Variants in AP2A1 observed in about 807,000 individuals in gnomAD.
AP2A1 encodes adaptor related protein complex 2 subunit alpha 1.
In AP2A1, 21 loss-of-function variants were observed where a neutral mutation model predicts 107.3. The observed-to-expected ratio is 0.20, with a 90% CI of 0.14 to 0.28. The LOEUF (loss-of-function observed/expected upper bound fraction) is 0.28. Among genes scored for constraint, AP2A1 ranks in the 10% least tolerant of loss-of-function variants. The pLI, the probability that AP2A1 is intolerant of heterozygous loss-of-function variation, is 1.00. For missense variants in AP2A1, 873 were observed against 1,307.7 expected (o/e 0.67, Z 5.13); for synonymous variants, 602 against 564.8 (o/e 1.07, Z -0.93).
rs375982239 is a variant in AP2A1, at chr19:49,782,755, G to T, written c.473+31G>T. ...GCACTGGGGACCCGTTGGCAGTGGG[G>T]GGCCTGGGGGTGATGAGTCCCAGCC... On this transcript the variant is annotated intron_variant, in intron 4 of 22. Transcript: ENST00000354293. The T allele has an allele frequency of 2.6e-6, 4 of 1,558,944 alleles. No homozygotes were observed. In the African/African-American group the frequency reaches 5.4e-5, roughly 21 times the overall value.
intron 5 of AP2A1, among the ~76,000 whole-genome samples, chr19:49,792,701 A>G (rs780120917): frequency 4.6e-5 from 7 of 151,334 alleles, no homozygotes; most frequent in Non-Finnish European, 7.4e-5. Flanking sequence ...TGACTGTCCC[A>G]CCCCCACAGT....
chr19:49,771,557 C>T (rs1471993279), intron 1 of AP2A1, among the ~76,000 whole-genome samples: 7 of 151,354 alleles, frequency 4.6e-5, no homozygotes, highest in African/African-American at 1.5e-4. Context: ...TATAGGCGCC[C>T]GCCACTATGC....
chr19:49,803,290 G>T lies in AP2A1; in HGVS notation c.2258G>T (p.Arg753Leu), dbSNP rs1370920170. Residue 753 changes from arginine (R) to leucine (L), a missense_variant, in exon 18 of 23, where the codon CGC becomes CTC. Physicochemically the swap from Arg to Leu is moderately radical, Grantham distance 102. This residue lies in a region of AP2A1 where 416 missense variants were observed against 473.4 expected (regional missense o/e 0.88). Coordinates refer to ENST00000354293, the MANE Select transcript of AP2A1 (RefSeq NM_130787.3). ...VKSEFRQNLG[R>L]MYLFYGNKTS... ...CTGCCTCCCCCACCTACTGCAGGCC[G>T]CATGTATCTCTTCTATGGCAACAAG... is the stretch of plus-strand genomic sequence containing the variant. The T allele has an allele frequency of 6.2e-7, 1 of 1,613,896 alleles. No homozygotes were observed. Among genetic ancestry groups the T allele is most frequent in the South Asian group, 1.1e-5 (1 of 91,080 alleles).
At chr19:49,802,503 C>T (rs776621281) in intron 15 of AP2A1, 37 of 1,602,438 alleles carry the variant, frequency 2.3e-5, no homozygotes, top group Admixed American at 2.2e-4. Flanking sequence ...CGCCTGTCTT[C>T]TCTTGTCTGC....
rs780322518 is a variant in AP2A1, at chr19:49,807,024, C to T, written c.*266C>T. 1 of 1,478,256 alleles carries T rather than the reference C, an allele frequency of 6.8e-7. No homozygotes were observed. Among genetic ancestry groups the T allele is most frequent in the Non-Finnish European group, 9.1e-7 (1 of 1,099,830 alleles). 91.6% of individuals were successfully genotyped at this position (1,478,256 alleles called of 1,614,324 possible). Reference sequence around the variant, plus strand: ...GCCAGGGAAGTGGATGTCTCCTCCCCTCCCACCCCACCCTGTTGTAGCCCC... The same window carrying T: ...GCCAGGGAAGTGGATGTCTCCTCCCTTCCCACCCCACCCTGTTGTAGCCCC... On this transcript the variant is annotated 3_prime_UTR_variant, in exon 23 of 23. Coordinates refer to ENST00000354293, the MANE Select transcript of AP2A1 (RefSeq NM_130787.3).
intron 1 of AP2A1, 112 bp from the exon 2 acceptor site, chr19:49,781,644 TG>T: frequency 9.0e-7 from 1 of 1,110,820 alleles, no homozygotes; most frequent in Non-Finnish European, 1.3e-6. Context: ...CCCCAGGGCT[TG>T]GGGGCGGAGA....
chr19:49,799,895 T>C (rs551896115), intron 10 of AP2A1, 73 bp from the exon 11 acceptor site: 3 of 1,579,918 alleles, frequency 1.9e-6, no homozygotes, highest in South Asian at 2.3e-5. Flanking sequence ...GGGGCAGTGG[T>C]GAGCCCAGAT....
rs745870176 is a variant in AP2A1, at chr19:49,802,566, T to C, written c.2115-383T>C. 22 of 1,589,946 alleles carry C rather than the reference T, an allele frequency of 1.4e-5. 1 individual carries two copies. Among genetic ancestry groups the C allele is most frequent in the Middle Eastern group, 1.7e-4 (1 of 6,018 alleles). ...GAGCCGCCTGCCCCCGAGAGCCCCA[T>C]GGCTTTGCTGGCTGACCCAGCTCCA... On this transcript the variant is annotated intron_variant, in intron 15 of 22. Coordinates refer to ENST00000354293, the MANE Select transcript of AP2A1 (RefSeq NM_130787.3).
chr19:49,805,352 A>G (rs2073351851), intron 18 of AP2A1, 101 bp from the exon 19 acceptor site: 2 of 1,351,082 alleles, frequency 1.5e-6, no homozygotes, highest in South Asian at 3.0e-5. Context: ...GGGTCCCTCA[A>G]AGACCTGCAG....
chr19:49,806,100 G>A lies in AP2A1; in HGVS notation c.2656-19G>A, dbSNP rs1487215777. ...CTAACAGCTCTGGCACACTCTGACG[G>A]CGCCCCCCCTCCTCCCAGCTTCTGG... is the stretch of plus-strand genomic sequence containing the variant. On this transcript the variant is annotated intron_variant, in intron 21 of 22. Transcript: ENST00000354293. 2 of 1,570,760 alleles carry A rather than the reference G, an allele frequency of 1.3e-6. No homozygotes were observed. The highest frequency in any genetic ancestry group is 1.9e-5 in the Admixed American group (1 of 53,002).
chr19:49,787,983 G>A lies in AP2A1; in HGVS notation c.474-3952G>A, dbSNP rs142049174. On this transcript the variant is annotated intron_variant, in intron 4 of 22. Coordinates refer to ENST00000354293, the MANE Select transcript of AP2A1 (RefSeq NM_130787.3). Reference sequence around the variant, plus strand: ...TTTGCTCGAGATAGAGTCTCACTCTGCTGCCCAGGCTGGAGTGCAGTGGCA... The same window carrying A: ...TTTGCTCGAGATAGAGTCTCACTCTACTGCCCAGGCTGGAGTGCAGTGGCA... Among the ~76,000 whole-genome samples, 15 of 152,326 alleles carry A rather than the reference G, an allele frequency of 9.8e-5. No individual in the cohort carries two copies. In the East Asian group the frequency reaches 2.7e-3, roughly 27 times the overall value.
intron 4 of AP2A1, among the ~76,000 whole-genome samples, chr19:49,787,341 T>TG (rs1568579438): frequency 3.7e-5 from 4 of 107,462 alleles, no homozygotes; most frequent in African/African-American, 1.6e-4. Flanking sequence ...TTTGTTTGTT[T>TG]TTTTTGTTTT....
chr19:49,800,848 C>A (rs1167687145), intron 11 of AP2A1, 113 bp from the exon 12 acceptor site: 5 of 845,120 alleles, frequency 5.9e-6, no homozygotes, highest in Non-Finnish European at 9.1e-6. Context: ...CACCTATAAC[C>A]CCACCTGCAG....
intron 4 of AP2A1, 115 bp from the exon 5 acceptor site, chr19:49,791,820 C>G: frequency 7.3e-7 from 1 of 1,378,728 alleles, no homozygotes; most frequent in Non-Finnish European, 9.8e-7. Flanking sequence ...GCCTGGCTGT[C>G]TGTCCCTCTC....
At chr19:49,802,630 C>T (rs1298457625) in intron 15 of AP2A1, 5 of 659,778 alleles carry the variant, frequency 7.6e-6, no homozygotes, top group Non-Finnish European at 1.2e-5. Context: ...GGAGGTCGGT[C>T]GGGGGGGCGG....
rs1308166396 is a variant in AP2A1, at chr19:49,801,727, G to C, written c.1791G>C (p.Thr597=). ...SSVASTDVLA[T]VLEEMPPFPE... is the part of the protein sequence containing the mutation. Reference sequence around the variant, plus strand: ...CCCCACCCCGACCGCGCCAGGCCACGGTGCTGGAGGAGATGCCGCCCTTCC... The same window carrying C: ...CCCCACCCCGACCGCGCCAGGCCACCGTGCTGGAGGAGATGCCGCCCTTCC... Residue 597 remains threonine (T), a synonymous_variant, in exon 14 of 23, where the codon ACG becomes ACC. Coordinates refer to ENST00000354293, the MANE Select transcript of AP2A1 (RefSeq NM_130787.3). 1.1e-5 allele frequency: 15 copies of C among 1,424,838 alleles called. No homozygotes were observed. The highest frequency in any genetic ancestry group is 7.3e-5 in the South Asian group (6 of 82,566). The allele number at this position is 1,424,838 out of a possible 1,614,324, so 88.3% of individuals were successfully genotyped here.
intron 1 of AP2A1, among the ~76,000 whole-genome samples, chr19:49,774,640 G>A (rs563238286): frequency 1.2e-4 from 19 of 152,066 alleles, no homozygotes; most frequent in Middle Eastern, 3.4e-3. Flanking sequence ...AGCAAAACAG[G>A]GGCCAGGTAT....
In AP2A1 at chr19:49,782,704, C is replaced by A; in HGVS notation, c.453C>A (p.Ile151=). 1 of 1,605,526 alleles carries A rather than the reference C, an allele frequency of 6.2e-7. No homozygotes were observed. The highest frequency in any genetic ancestry group is 8.5e-7 in the Non-Finnish European group (1 of 1,177,940). ...REMGEAFAAD[I]PRILVAGDSM... Reference sequence around the variant, plus strand: ...TGGGCGAGGCCTTTGCCGCTGACATCCCCCGCATCCTGGTGGCCGGGTAAG... The same window carrying A: ...TGGGCGAGGCCTTTGCCGCTGACATACCCCGCATCCTGGTGGCCGGGTAAG... Residue 151 remains isoleucine (I), a synonymous_variant, in exon 4 of 23, where the codon ATC becomes ATA. Coordinates refer to ENST00000354293, the MANE Select transcript of AP2A1 (RefSeq NM_130787.3).
intron 6 of AP2A1, among the ~76,000 whole-genome samples, chr19:49,793,817 C>A (rs187011536): frequency 1.3e-5 from 2 of 151,630 alleles, no homozygotes; most frequent in East Asian, 1.9e-4. Flanking sequence ...TACACATGCG[C>A]ATCTCCTGGG....
Sources: gnomAD v4.1 joint callset for allele counts (sites outside exome capture counted in the v4.1 genomes callset) on GRCh38, gnomAD v4.1.1 for gene constraint, gnomAD v4.1.1 regional missense constraint, MANE v1.5 for transcripts, NCBI Gene and HGNC (gene_info 2026-07-23, HGNC 2026-07-21) for gene names.